The following TUSC3 variants were observed in gnomAD, a reference collection of about 807,000 sequenced individuals.
The protein encoded by TUSC3 is tumor suppressor candidate 3, also known as dolichyl-diphosphooligosaccharide--protein glycosyltransferase subunit TUSC3.
Under a neutral mutation model 44.8 loss-of-function variants are expected in TUSC3, and 45 were observed. The observed-to-expected ratio is 1.00, with a 90% confidence interval of 0.79 to 1.29. The LOEUF (loss-of-function observed/expected upper bound fraction) is 1.29, where lower values mean the gene tolerates loss of function less well. TUSC3 is among the 50% of genes most tolerant of loss of function. TUSC3 has a pLI of 0.00. For synonymous variants in TUSC3, 212 were observed against 152.9 expected, an observed-to-expected ratio of 1.39 and a Z score of -2.85; for missense variants, 519 against 437.9, an observed-to-expected ratio of 1.19 and a Z score of -1.65.
intron 1 of TUSC3, among the ~76,000 whole-genome samples, chr8:15,424,061 G>T (rs1275459483): frequency 7.7e-6 from 1 of 129,382 alleles, no homozygotes; most frequent in African/African-American, 2.8e-5. Context: ...TGCTATCTTG[G>T]CTCACTGCAA....
At chr8:15,716,303 G>C (rs993450388) in intron 6 of TUSC3, among the ~76,000 whole-genome samples, 2 of 151,706 alleles carry the variant, frequency 1.3e-5, no homozygotes, top group African/African-American at 2.4e-5. Flanking sequence ...GAATGTTCTT[G>C]TTTTCATTAA....
At chr8:15,663,190 G>T (rs1433708419) in intron 5 of TUSC3, among the ~76,000 whole-genome samples, 1 of 151,476 alleles carries the variant, frequency 6.6e-6, no homozygotes, top group Non-Finnish European at 1.5e-5. Context: ...AACAGAAAAT[G>T]TATGAAATAT....
At chr8:15,460,873 T>C (rs1408481347) in intron 1 of TUSC3, among the ~76,000 whole-genome samples, 2 of 152,190 alleles carry the variant, frequency 1.3e-5, no homozygotes, top group Admixed American at 6.5e-5. Flanking sequence ...CTCTATTCTG[T>C]TCCATTGGTC....
At chr8:15,795,149 G>A in the TUSC3 span, among the ~76,000 whole-genome samples, 14 of 152,224 alleles carry the variant, frequency 9.2e-5, no homozygotes, top group African/African-American at 3.1e-4. Context: ...CATGGCTCCT[G>A]GGATCCCAGG....
At position 15,735,892 on chromosome 8, in the gene TUSC3, G is replaced by GTT. The variant is rs1233785067; in HGVS notation, c.862+5171_862+5172dup. 3.3e-3 allele frequency among the ~76,000 whole-genome samples: 485 copies of GTT among 148,452 alleles called. 5 individuals carry two copies. Among genetic ancestry groups the GTT allele is most frequent in the South Asian group, 6.8e-3 (32 of 4,726 alleles). On this transcript the variant is annotated intron_variant, in intron 7 of 10. Transcript: ENST00000503731. ...TGGGTTTTTTTTTTTTGTTTTTTTGGTTTTTTTTTGTATTTTTAGTAGAGA... is the reference window on the plus strand; with the variant it reads ...TGGGTTTTTTTTTTTTGTTTTTTTGGTTTTTTTTTTTGTATTTTTAGTAGAGA...
chr8:15,703,625 C>T (rs939602247), intron 6 of TUSC3, among the ~76,000 whole-genome samples: 3 of 152,108 alleles, frequency 2.0e-5, no homozygotes, highest in African/African-American at 4.8e-5. Flanking sequence ...GTGAGTGCCT[C>T]AAGCTGCTTC....
chr8:15,710,589 C>T (rs1809800135), intron 6 of TUSC3, among the ~76,000 whole-genome samples: 1 of 151,586 alleles, frequency 6.6e-6, no homozygotes. Context: ...GTCATTTTTC[C>T]AGTTATGTTC....
intron 6 of TUSC3, among the ~76,000 whole-genome samples, chr8:15,724,926 A>G (rs767805976): frequency 6.6e-6 from 1 of 152,168 alleles, no homozygotes; most frequent in African/African-American, 2.4e-5. Flanking sequence ...TTATTTTGCA[A>G]TCATGTATTT....
rs13253115 is a variant in TUSC3 at position 15,719,516 on chromosome 8, C to A, written c.799-11150C>A. Reference sequence around the variant, plus strand: ...TTCATCACACACACACACACACACACCACACACACACACACACACACACAC... The same window carrying A: ...TTCATCACACACACACACACACACAACACACACACACACACACACACACAC... On this transcript the variant is annotated intron_variant, in intron 6 of 10. Coordinates refer to ENST00000503731, the MANE Select transcript of TUSC3 (RefSeq NM_006765.4). Among the ~76,000 whole-genome samples the A allele has an allele frequency of 4.0e-3, 65 of 16,244 alleles. 1 individual carries two copies. The highest frequency in any genetic ancestry group is 0.02 in the Admixed American group (27 of 1,332). The allele number at this position is 16,244 out of a possible 152,430, so 10.7% of individuals were successfully genotyped here.
intron 2 of TUSC3, among the ~76,000 whole-genome samples, chr8:15,531,197 C>T (rs1320027372): frequency 3.3e-5 from 5 of 152,166 alleles, no homozygotes; most frequent in Non-Finnish European, 5.9e-5. Flanking sequence ...GATTTGACCT[C>T]CAAGCTGCCT....
the TUSC3 span, among the ~76,000 whole-genome samples, chr8:15,831,864 C>T: frequency 5.9e-5 from 9 of 152,062 alleles, no homozygotes; most frequent in Non-Finnish European, 1.0e-4. Flanking sequence ...ACTTGGAAAA[C>T]ATACTGCAGG....
intron 2 of TUSC3, among the ~76,000 whole-genome samples, chr8:15,512,094 G>A (rs557328496): frequency 6.6e-6 from 1 of 152,244 alleles, no homozygotes; most frequent in African/African-American, 2.4e-5. Flanking sequence ...TGGAAGACTT[G>A]TACTACGTAA....
At chr8:15,447,127 T>C (rs1021994602) in intron 1 of TUSC3, among the ~76,000 whole-genome samples, 1 of 151,642 alleles carries the variant, frequency 6.6e-6, no homozygotes, top group Non-Finnish European at 1.5e-5. Context: ...GCATAATAAG[T>C]ATACCTAAAT....
chr8:15,498,594 C>T (rs1800913751), intron 2 of TUSC3, among the ~76,000 whole-genome samples: 1 of 152,138 alleles, frequency 6.6e-6, no homozygotes, highest in Admixed American at 6.5e-5. Flanking sequence ...TGCACAAGTG[C>T]AGATGTGAAT....
At chr8:15,805,251 T>C in the TUSC3 span, among the ~76,000 whole-genome samples, 1 of 152,180 alleles carries the variant, frequency 6.6e-6, no homozygotes, top group Non-Finnish European at 1.5e-5. Context: ...TAGGGTTTTC[T>C]AGGTATATAA....
intron 1 of TUSC3, among the ~76,000 whole-genome samples, chr8:15,613,538 C>T (rs1229061726): frequency 6.6e-6 from 1 of 152,140 alleles, no homozygotes; most frequent in Non-Finnish European, 1.5e-5. Flanking sequence ...TACATGCTGT[C>T]TCTTGCCTGC....
At chr8:15,444,139 A>G (rs1049189903) in intron 1 of TUSC3, among the ~76,000 whole-genome samples, 1 of 152,198 alleles carries the variant, frequency 6.6e-6, no homozygotes, top group Admixed American at 6.5e-5. Context: ...TTCATAAGCA[A>G]TTAATTGACA....
chr8:15,730,922 T>G (rs1810696846), intron 7 of TUSC3, among the ~76,000 whole-genome samples, 193 bp downstream of exon 7: 1 of 151,860 alleles, frequency 6.6e-6, no homozygotes, highest in African/African-American at 2.4e-5. Context: ...TTCCGTATCA[T>G]TAACAGATCA....
chr8:15,601,004 G>T (rs569810770), intron 1 of TUSC3, among the ~76,000 whole-genome samples: 9 of 151,476 alleles, frequency 5.9e-5, no homozygotes. Flanking sequence ...GAAATACACA[G>T]GTTCACTGAA....
Sources: gnomAD v4.1 joint callset for allele counts (sites outside exome capture counted in the v4.1 genomes callset) on GRCh38, gnomAD v4.1.1 for gene constraint, MANE v1.5 for transcripts, NCBI Gene and HGNC (gene_info 2026-07-23, HGNC 2026-07-21) for gene names.